The following OSGEPL1 variants were observed in gnomAD, a reference collection of about 807,000 sequenced individuals.
The protein encoded by OSGEPL1 is tRNA N6-adenosine threonylcarbamoyltransferase, mitochondrial.
In OSGEPL1, 26 loss-of-function variants were observed where a neutral mutation model predicts 37.2. That is an observed-to-expected ratio of 0.70 (90% confidence interval 0.51 to 0.97). The LOEUF is 0.97. OSGEPL1 is among the 50% of genes least tolerant of loss of function. The probability of loss-of-function intolerance (pLI) is 0.00; values close to 1 mark genes in which losing one functional copy is unlikely to be tolerated. For missense variants in OSGEPL1, 404 were observed against 487.0 expected, an observed-to-expected ratio of 0.83 and a Z score of 1.60; for synonymous variants, 140 against 159.9, an observed-to-expected ratio of 0.88 and a Z score of 0.94.
In OSGEPL1 at chr2:189,755,229, C is replaced by G. The variant is rs1411149031; in HGVS notation, c.553G>C (p.Asp185His). Residue 185 changes from aspartate to histidine, a missense_variant, in exon 3 of 9, where the codon GAT becomes CAT. Physicochemically the swap from Asp to His is moderately conservative, Grantham distance 81 (BLOSUM62 -1). Transcript: ENST00000264151. ...AAAGACTTTCCAAGAAGCAGAAAAT[C>G]TGAAACTCCTTGAACTAATGCCAAC... ...CLLALVQGVSDFLLLGKSLDI... is the reference protein window; with the variant it reads ...CLLALVQGVSHFLLLGKSLDI... 1 of 1,612,234 alleles carries G rather than the reference C, an allele frequency of 6.2e-7. No homozygotes were observed. Among genetic ancestry groups the G allele is most frequent in the African/African-American group, 1.3e-5 (1 of 74,860 alleles).
chr2:189,752,627 TAA>T lies in OSGEPL1; in HGVS notation c.1166+24_1166+25del. 1.9e-6 allele frequency: 3 copies of T among 1,611,674 alleles called. No individual in the cohort carries two copies. The South Asian group carries it at 3.3e-5, about 18-fold the overall frequency. ...TTTGTCTTAAGTAATGTAACTTGCA[TAA>T]AGATCATGAATGATACCACATACTT... On this transcript the variant is annotated intron_variant, in intron 7 of 8. Coordinates refer to ENST00000264151, the MANE Select transcript of OSGEPL1 (RefSeq NM_022353.3).
chr2:189,759,125 A>C (rs562089744), intron 2 of OSGEPL1, among the ~76,000 whole-genome samples: 10 of 152,338 alleles, frequency 6.6e-5, no homozygotes, highest in African/African-American at 2.2e-4. Context: ...GCAGTACTTC[A>C]CAGTGCCTTA....
At chr2:189,749,004 TG>T (rs1312632797) in intron 8 of OSGEPL1, among the ~76,000 whole-genome samples, 1 of 152,086 alleles carries the variant, frequency 6.6e-6, no homozygotes, top group African/African-American at 2.4e-5. Flanking sequence ...CCCAGCACTT[TG>T]GGAGGCCAAG....
At chr2:189,754,429 T>A in intron 3 of OSGEPL1, 84 bp from the exon 4 acceptor site, 1 of 1,293,940 alleles carries the variant, frequency 7.7e-7, no homozygotes, top group African/African-American at 1.5e-5. Flanking sequence ...TGAAAATTAC[T>A]AACAAAACAA....
Position 189,755,514 on chromosome 2 carries a change from T to C in OSGEPL1, c.268A>G (p.Asn90Asp), listed in dbSNP as rs1322157239. ...PPAAQQLHRE[N>D]IQRIVQEALS... ...GCTTCTTGTACTATTCGTTGAATAT[T>C]TTCTCTGTGAAGCTGTTGAGCTGCT... The change falls in exon 3 of 9, where the codon AAT becomes GAT. Residue 90 changes from asparagine to aspartate, a missense_variant. Coordinates refer to ENST00000264151, the MANE Select transcript of OSGEPL1 (RefSeq NM_022353.3). The C allele has an allele frequency of 2.5e-6, 4 of 1,603,452 alleles. No individual in the cohort carries two copies. The highest frequency in any genetic ancestry group is 2.7e-5 in the African/African-American group (2 of 74,336).
At chr2:189,751,421 G>A (rs944090737) in intron 7 of OSGEPL1, among the ~76,000 whole-genome samples, 2 of 151,390 alleles carry the variant, frequency 1.3e-5, no homozygotes, top group Admixed American at 6.6e-5. Context: ...GTCAAGTTAC[G>A]GAATATAATG....
chr2:189,755,897 T>A (rs956627633), intron 2 of OSGEPL1, among the ~76,000 whole-genome samples: 8 of 152,202 alleles, frequency 5.3e-5, no homozygotes, highest in Non-Finnish European at 7.3e-5. Flanking sequence ...GAAAATTAAT[T>A]TCCTTGCTGA....
Position 189,761,497 on chromosome 2 carries a change from A to T in OSGEPL1, c.144T>A (p.Asp48Glu). Residue 48 changes from aspartate (D) to glutamate (E), a missense_variant, in exon 2 of 9, where the codon GAT (aspartate) becomes GAA (glutamate). By Grantham distance (45) the Asp-to-Glu change is conservative. Transcript: ENST00000264151. ...IVLGIETSCD[D>E]TAAAVVDETG... is the part of the protein sequence containing the mutation. ...TTTCATCCACCACAGCAGCTGCTGT[A>T]TCATCACAACTAGTTTCAATTCCCA... 6.2e-7 allele frequency: 1 copy of T among 1,613,000 alleles called. No homozygotes were observed. Among genetic ancestry groups the T allele is most frequent in the Non-Finnish European group, 8.5e-7 (1 of 1,179,288 alleles).
intron 2 of OSGEPL1, among the ~76,000 whole-genome samples, chr2:189,758,193 C>A (rs1352594118): frequency 6.6e-6 from 1 of 152,092 alleles, no homozygotes; most frequent in Non-Finnish European, 1.5e-5. Context: ...GACAGCCTGA[C>A]CAACATGGAG....
At chr2:189,755,599 T>G (rs752251874) in intron 2 of OSGEPL1, 39 bp from the exon 3 acceptor site, 3 of 1,562,806 alleles carry the variant, frequency 1.9e-6, no homozygotes, top group Non-Finnish European at 2.6e-6. Context: ...GTTTTAAGAT[T>G]GTAAAAATGA....
chr2:189,754,182 T>C lies in OSGEPL1; in HGVS notation c.773A>G (p.His258Arg). ...NCDFSFTGLQ[H>R]VTDKIIMKKE... ...TTTCATTATTATTTTATCAGTAACG[T>C]GTTGAAGTCCAGTAAAAGAAAAATC... Residue 258 changes from histidine to arginine, a missense_variant, in exon 4 of 9, where the codon CAC becomes CGC. By Grantham distance (29) the His-to-Arg change is conservative. Transcript: ENST00000264151. The C allele has an allele frequency of 6.2e-7, 1 of 1,613,862 alleles. No homozygotes were observed. The highest frequency in any genetic ancestry group is 8.5e-7 in the Non-Finnish European group (1 of 1,179,780).
chr2:189,753,649 C>T (rs2045635372), intron 5 of OSGEPL1, among the ~76,000 whole-genome samples: 1 of 152,148 alleles, frequency 6.6e-6, no homozygotes, highest in South Asian at 2.1e-4. Flanking sequence ...ACTGCATTTA[C>T]TTTCTTTATT....
intron 5 of OSGEPL1, 56 bp downstream of exon 5, chr2:189,753,859 GA>G: frequency 6.4e-7 from 1 of 1,574,752 alleles, no homozygotes; most frequent in Non-Finnish European, 8.6e-7. Context: ...AAGGTCTTGG[GA>G]AAAAAGTAAC....
In OSGEPL1 at chr2:189,761,975, T is replaced by G. The variant is rs2047139053; in HGVS notation, c.-20-315A>C. On this transcript the variant is annotated intron_variant, in intron 1 of 8. Coordinates refer to ENST00000264151, the MANE Select transcript of OSGEPL1 (RefSeq NM_022353.3). Reference sequence around the variant, plus strand: ...GTCCTCTGAAAAGTGCTATTTATTTTTTGACAGCTAAAATTAAGACAAAAT... The same window carrying G: ...GTCCTCTGAAAAGTGCTATTTATTTGTTGACAGCTAAAATTAAGACAAAAT... Among the ~76,000 whole-genome samples, 3 of 152,196 alleles carry G rather than the reference T, an allele frequency of 2.0e-5. No homozygotes were observed. The South Asian group carries it at 6.2e-4, about 31-fold the overall frequency.
Position 189,755,398 on chromosome 2 carries a change from T to C in OSGEPL1, c.384A>G (p.Leu128=). 1 of 1,612,998 alleles carries C rather than the reference T, an allele frequency of 6.2e-7. No homozygotes were observed. Among genetic ancestry groups the C allele is most frequent in the Non-Finnish European group, 8.5e-7 (1 of 1,179,578 alleles). The change falls in exon 3 of 9, where the codon TTA becomes TTG. Residue 128 remains leucine, a synonymous_variant. Coordinates refer to ENST00000264151, the MANE Select transcript of OSGEPL1 (RefSeq NM_022353.3). ...GTCCTACCAGCTGTAAGCTAAATGA[T>C]AAGCCCACTCCCAGGCTTAAAGCAA... ...PGLALSLGVG[L]SFSLQLVGQL...
chr2:189,761,412 CT>C lies in OSGEPL1; in HGVS notation c.221+7del. On this transcript the variant is annotated splice_region_variant and intron_variant, in intron 2 of 8. Coordinates refer to ENST00000264151, the MANE Select transcript of OSGEPL1 (RefSeq NM_022353.3). ...AAAGTGGAAATGACTAAGATAATGT[CT>C]ACTTACTTTAAATGAACTTCAGTTT... is the stretch of plus-strand genomic sequence containing the variant. The C allele has an allele frequency of 6.3e-7, 1 of 1,591,998 alleles. No homozygotes were observed. The highest frequency in any genetic ancestry group is 8.5e-7 in the Non-Finnish European group (1 of 1,173,550).
intron 2 of OSGEPL1, 101 bp downstream of exon 2, chr2:189,761,319 A>G (rs1050717536): frequency 7.9e-7 from 1 of 1,269,250 alleles, no homozygotes; most frequent in Non-Finnish European, 1.1e-6. Flanking sequence ...GCAAAAAGGA[A>G]TAAGACAGTA....
At chr2:189,754,769 CCT>C (rs2045840885) in intron 3 of OSGEPL1, 1 of 233,740 alleles carries the variant, frequency 4.3e-6, no homozygotes, top group Admixed American at 5.4e-5. Context: ...GGGGGGGGAC[CCT>C]GTCTGTGGTG....
At chr2:189,761,228 A>T in intron 2 of OSGEPL1, 192 bp downstream of exon 2, 1 of 434,062 alleles carries the variant, frequency 2.3e-6, no homozygotes, top group Non-Finnish European at 4.0e-6. Flanking sequence ...GGATTAGTTA[A>T]GGTTGGGACC....
Sources: allele counts gnomAD v4.1 joint callset (sites outside exome capture counted in the v4.1 genomes callset), GRCh38; gene constraint gnomAD v4.1.1; transcripts MANE v1.5; gene names NCBI Gene and HGNC (gene_info 2026-07-23, HGNC 2026-07-21).